ADCY9: variants seen among roughly 807,000 people sequenced by gnomAD.
ADCY9 encodes adenylate cyclase type 9.
Under a neutral mutation model 101.5 loss-of-function variants are expected in ADCY9, and 50 were observed. That is an observed-to-expected ratio of 0.49 (90% CI 0.39 to 0.62). The LOEUF is 0.62. ADCY9 is among the 20% of genes least tolerant of loss of function. The pLI, the probability that ADCY9 is intolerant of heterozygous loss-of-function variation, is 0.00. For synonymous variants in ADCY9, 905 were observed against 769.3 expected, an observed-to-expected ratio of 1.18 and a Z score of -2.92; for missense variants, 1,662 against 1,800.4, an observed-to-expected ratio of 0.92 and a Z score of 1.39.
chr16:3,983,652 G>A lies in ADCY9; in HGVS notation c.2311-212C>T, dbSNP rs577577482. The A allele has an allele frequency of 8.6e-6, 5 of 578,756 alleles. No homozygotes were observed. In the East Asian group the frequency reaches 1.1e-4, roughly 13 times the overall value. The allele number at this position is 578,756 out of a possible 1,614,324, so 35.9% of individuals were successfully genotyped here. A position where few individuals can be genotyped will look rare whatever the true frequency, so the allele number is the denominator to read the frequency against. ...GAAGTTAAACTTGCCCAGGGGGCTG[G>A]GCACGGTGGCTCACGCCTGTAATCC... is the stretch of plus-strand genomic sequence containing the variant. On this transcript the variant is annotated intron_variant, in intron 6 of 10. Transcript: ENST00000294016.
At chr16:4,090,489 C>T (rs1397750890) in intron 2 of ADCY9, among the ~76,000 whole-genome samples, 1 of 152,014 alleles carries the variant, frequency 6.6e-6, no homozygotes, top group Non-Finnish European at 1.5e-5. Flanking sequence ...CTTTTAAAAA[C>T]GTTCTATATT....
chr16:4,035,104 C>T (rs1232537813), intron 2 of ADCY9, among the ~76,000 whole-genome samples: 1 of 152,164 alleles, frequency 6.6e-6, no homozygotes, highest in East Asian at 1.9e-4. Context: ...CGATCACCAC[C>T]CTTGCATCTT....
intron 2 of ADCY9, among the ~76,000 whole-genome samples, chr16:4,081,321 C>T (rs577982385): frequency 6.6e-6 from 1 of 152,356 alleles, no homozygotes; most frequent in East Asian, 1.9e-4. Context: ...CCACCTCCTG[C>T]TGTCACCATC....
chr16:4,111,260 A>G (rs1202168858), intron 2 of ADCY9, among the ~76,000 whole-genome samples: 2 of 150,186 alleles, frequency 1.3e-5, no homozygotes, highest in African/African-American at 4.9e-5. Context: ...AGGCTAATAC[A>G]CCCAGTATTG....
At chr16:4,057,045 C>G (rs924216331) in intron 2 of ADCY9, among the ~76,000 whole-genome samples, 10 of 130,802 alleles carry the variant, frequency 7.6e-5, no homozygotes, top group African/African-American at 2.2e-4. Flanking sequence ...ACCGCCCCCC[C>G]CCCCCCCGCC....
At position 3,991,320 on chromosome 16, in the gene ADCY9, G is replaced by C. The variant is rs142681548; in HGVS notation, c.2207+826C>G. 1.5e-3 allele frequency among the ~76,000 whole-genome samples: 230 copies of C among 152,274 alleles called. 1 individual carries two copies. The highest frequency in any genetic ancestry group is 3.4e-3 in the Middle Eastern group (1 of 294). The stretch of plus-strand genomic sequence containing the variant: ...AAATTAGTATCACTAATGAGGAACA[G>C]ACGGGCACTGCGTGTCCCTGGAGAG... On this transcript the variant is annotated intron_variant, in intron 5 of 10. Coordinates refer to ENST00000294016, the MANE Select transcript of ADCY9 (RefSeq NM_001116.4).
rs555710317 is a variant in ADCY9, at chr16:4,057,210, G to A, written c.1694-49652C>T. Among the ~76,000 whole-genome samples, 9 of 152,114 alleles carry A rather than the reference G, an allele frequency of 5.9e-5. No homozygotes were observed. In the Middle Eastern group the frequency reaches 0.01, roughly 172 times the overall value. On this transcript the variant is annotated intron_variant, in intron 2 of 10. Transcript: ENST00000294016. ...GGCTGGAGTGCCGTGGTGCAATCTC[G>A]GCTCACTGCAGCCTCCAACCCCTGG...
chr16:4,046,144 C>G (rs1262983251), intron 2 of ADCY9, among the ~76,000 whole-genome samples: 1 of 152,126 alleles, frequency 6.6e-6, no homozygotes, highest in Non-Finnish European at 1.5e-5. Flanking sequence ...AGCCACGGCA[C>G]CAGGTCTGAA....
intron 2 of ADCY9, among the ~76,000 whole-genome samples, chr16:4,093,831 C>T (rs2056987356): frequency 6.6e-6 from 1 of 152,126 alleles, no homozygotes; most frequent in Admixed American, 6.5e-5. Context: ...AAGAACCTTG[C>T]TGCTATTACT....
intron 2 of ADCY9, among the ~76,000 whole-genome samples, chr16:4,073,179 C>T (rs535984882): frequency 3.9e-5 from 6 of 152,152 alleles, no homozygotes; most frequent in African/African-American, 1.4e-4. Context: ...TCTGCAACCT[C>T]CGCCTCCTGG....
intron 3 of ADCY9, 106 bp downstream of exon 3, chr16:4,007,262 C>A (rs1714260844): frequency 9.4e-6 from 9 of 952,764 alleles, no homozygotes; most frequent in Non-Finnish European, 1.3e-5. Flanking sequence ...GAAGGTCATT[C>A]CAAGTTGTTT....
At chr16:4,056,106 G>A (rs1257592256) in intron 2 of ADCY9, among the ~76,000 whole-genome samples, 8 of 152,254 alleles carry the variant, frequency 5.3e-5, no homozygotes, top group Admixed American at 2.0e-4. Context: ...CGCCCTCCCC[G>A]CAAGGAGGTT....
chr16:3,988,254 AG>A (rs1276322994), intron 6 of ADCY9, among the ~76,000 whole-genome samples: 6 of 151,702 alleles, frequency 4.0e-5, no homozygotes, highest in African/African-American at 1.5e-4. Context: ...GTCAAGTACA[AG>A]GGGTTAAGGC....
rs1345914477 is a variant in ADCY9, at chr16:3,967,664, ATT to A, written c.2871-700_2871-699del. Among the ~76,000 whole-genome samples the A allele has an allele frequency of 3.9e-3, 563 of 145,394 alleles. 3 individuals carry two copies. Among genetic ancestry groups the A allele is most frequent in the Admixed American group, 4.5e-3 (66 of 14,616 alleles). On this transcript the variant is annotated intron_variant, in intron 10 of 10. Transcript: ENST00000294016. ...CACCTTGGCCTTCCAAAGTGCTGGG[ATT>A]ACAGGCTTGAACTGTGCTTGGCCTA...
At chr16:4,057,981 A>T (rs2056751422) in intron 2 of ADCY9, among the ~76,000 whole-genome samples, 1 of 152,056 alleles carries the variant, frequency 6.6e-6, no homozygotes, top group African/African-American at 2.4e-5. Context: ...CAACATAGTG[A>T]AACCCCATCT....
intron 3 of ADCY9, among the ~76,000 whole-genome samples, chr16:4,001,660 C>T (rs1189525501): frequency 1.3e-5 from 2 of 152,140 alleles, no homozygotes; most frequent in South Asian, 2.1e-4. Flanking sequence ...GCGATCCTCC[C>T]ACCTCAGCCT....
intron 2 of ADCY9, among the ~76,000 whole-genome samples, chr16:4,106,055 T>C (rs1027793900): frequency 1.3e-5 from 2 of 152,178 alleles, no homozygotes; most frequent in African/African-American, 4.8e-5. Context: ...GGGTTTGATG[T>C]TCCCACCTAT....
intron 2 of ADCY9, among the ~76,000 whole-genome samples, chr16:4,032,338 G>A (rs1218106826): frequency 2.0e-5 from 3 of 151,804 alleles, no homozygotes; most frequent in Non-Finnish European, 4.4e-5. Context: ...GAGCAGAGAC[G>A]GGACCACCAG....
chr16:4,044,320 C>T (rs934828971), intron 2 of ADCY9, among the ~76,000 whole-genome samples: 1 of 151,764 alleles, frequency 6.6e-6, no homozygotes, highest in Non-Finnish European at 1.5e-5. Context: ...GCACTCCATC[C>T]TGAGCAACAG....
Sources: allele counts gnomAD v4.1 joint callset (sites outside exome capture counted in the v4.1 genomes callset), GRCh38; gene constraint gnomAD v4.1.1; transcripts MANE v1.5; gene names NCBI Gene and HGNC (gene_info 2026-07-23, HGNC 2026-07-21).